Variants in NPHP4 observed in about 807,000 individuals in gnomAD.
The protein encoded by NPHP4 is nephrocystin-4.
In NPHP4, 151 loss-of-function variants were observed where a neutral mutation model predicts 155.8. That is an observed-to-expected ratio of 0.97 (90% CI 0.85 to 1.11). The LOEUF (loss-of-function observed/expected upper bound fraction) is 1.11. NPHP4 is among the 50% of genes least tolerant of loss of function. The pLI, the probability that NPHP4 is intolerant of heterozygous loss-of-function variation, is 0.00. For missense variants in NPHP4, 1,956 were observed against 1,925.7 expected (o/e 1.02, Z -0.29); for synonymous variants, 845 against 816.8 (o/e 1.03, Z -0.59).
At position 5,877,239 on chromosome 1, in the gene NPHP4, G is replaced by C. The variant is rs368536566; in HGVS notation, c.2671C>G (p.Leu891Val). 5.6e-6 allele frequency: 9 copies of C among 1,608,414 alleles called. No homozygotes were observed. Among genetic ancestry groups the C allele is most frequent in the Non-Finnish European group, 7.6e-6 (9 of 1,176,520 alleles). The change falls in exon 20 of 30, where the codon CTA (leucine) becomes GTA (valine). Residue 891 changes from leucine (L) to valine (V), a missense_variant. Transcript: ENST00000378156. ...TTGCCCTGCCGGGCATGGGTCAGTA[G>C]CATGGCAGCCAGCTCACTGTCCACG... ...ADVDSELAAM[L>V]LTHARQGKGP... is the part of the protein sequence containing the mutation.
chr1:5,979,705 T>C (rs1019771973), intron 2 of NPHP4, among the ~76,000 whole-genome samples: 1 of 151,954 alleles, frequency 6.6e-6, no homozygotes, highest in Non-Finnish European at 1.5e-5. Flanking sequence ...GTACTTTTTG[T>C]AGAGAGTGGG....
intron 12 of NPHP4, among the ~76,000 whole-genome samples, chr1:5,908,181 G>A (rs1645006441): frequency 6.6e-6 from 1 of 152,206 alleles, no homozygotes; most frequent in African/African-American, 2.4e-5. Context: ...GAGATCTTTG[G>A]GGCCTACCCA....
Position 5,905,840 on chromosome 1 carries a change from C to T in NPHP4, c.1612-57G>A, listed in dbSNP as rs1644891634. Reference sequence around the variant, plus strand: ...ACCAAGGACCCCAACCCGTAACAACCAACGGTGCTCAGATCTAAGGGGATT... The same window carrying T: ...ACCAAGGACCCCAACCCGTAACAACTAACGGTGCTCAGATCTAAGGGGATT... On this transcript the variant is annotated intron_variant, in intron 13 of 29. Coordinates refer to ENST00000378156, the MANE Select transcript of NPHP4 (RefSeq NM_015102.5). This position sits in a 1 kb window ranked among gnomAD's most constrained non-coding sequence, Gnocchi z 4.0. 1 of 1,517,164 alleles carries T rather than the reference C, an allele frequency of 6.6e-7. No individual in the cohort carries two copies. Among genetic ancestry groups the T allele is most frequent in the Admixed American group, 1.9e-5 (1 of 51,378 alleles). The allele number at this position is 1,517,164 out of a possible 1,614,324, so 94.0% of individuals were successfully genotyped here.
chr1:5,898,420 C>T (rs181382996), intron 16 of NPHP4, among the ~76,000 whole-genome samples: 42 of 152,350 alleles, frequency 2.8e-4, no homozygotes, highest in Non-Finnish European at 4.9e-4. Flanking sequence ...AAACCACTCT[C>T]GGGAGCCCTG....
intron 20 of NPHP4, chr1:5,876,519 G>A (rs1172552089): frequency 6.6e-6 from 1 of 152,290 alleles, no homozygotes; most frequent in East Asian, 1.9e-4. Context: ...GCCCTGCTGA[G>A]TTTACTGTCA....
intron 3 of NPHP4, among the ~76,000 whole-genome samples, chr1:5,972,615 G>C (rs1440899005): frequency 6.6e-6 from 1 of 152,202 alleles, no homozygotes; most frequent in Non-Finnish European, 1.5e-5. Context: ...CTGGGTCCCT[G>C]CTTATGGAAA....
chr1:5,906,842 C>T (rs993179215), intron 13 of NPHP4, among the ~76,000 whole-genome samples: 3 of 152,186 alleles, frequency 2.0e-5, no homozygotes, highest in African/African-American at 7.2e-5. Flanking sequence ...CTAGGGGTAG[C>T]TTAACTTTGT....
At chr1:5,868,378 G>GC (rs1210807375) in intron 23 of NPHP4, 3 of 245,858 alleles carry the variant, frequency 1.2e-5, no homozygotes, top group Non-Finnish European at 2.4e-5. Context: ...AAACCAAAGG[G>GC]GTTAGAAATA....
chr1:5,964,937 A>T (rs181843111), intron 5 of NPHP4, among the ~76,000 whole-genome samples: 6,391 of 54,658 alleles, frequency 0.12, 406 homozygotes, highest in East Asian at 0.16. Flanking sequence ...ATATATATAT[A>T]TATATTTTTT....
chr1:5,879,750 G>A, intron 19 of NPHP4: 1 of 396,304 alleles, frequency 2.5e-6, no homozygotes, highest in Non-Finnish European at 4.9e-6. Context: ...AGATGCAGAT[G>A]GGCATTAACA....
intron 11 of NPHP4, among the ~76,000 whole-genome samples, chr1:5,923,130 G>A (rs11120786): frequency 0.12 from 17,986 of 152,218 alleles, 1,363 homozygotes; most frequent in Non-Finnish European, 0.17. Flanking sequence ...CATGGTGAGT[G>A]AATCACAAGT....
intron 19 of NPHP4, among the ~76,000 whole-genome samples, chr1:5,879,103 T>G (rs1642919529): frequency 6.6e-6 from 1 of 152,206 alleles, no homozygotes; most frequent in African/African-American, 2.4e-5. Flanking sequence ...ACCCAGAGTT[T>G]CAGGGGCCTT....
intron 9 of NPHP4, among the ~76,000 whole-genome samples, chr1:5,940,455 G>C (rs1646763316): frequency 6.6e-6 from 1 of 152,122 alleles, no homozygotes; most frequent in South Asian, 2.1e-4. Flanking sequence ...AACAGACTCA[G>C]ACAGGAGCAA....
chr1:5,926,098 G>A (rs1645991542), intron 11 of NPHP4, among the ~76,000 whole-genome samples: 2 of 152,140 alleles, frequency 1.3e-5, no homozygotes, highest in Non-Finnish European at 2.9e-5. Context: ...CTAGTACAAG[G>A]GGGACTGTAC....
intron 23 of NPHP4, among the ~76,000 whole-genome samples, chr1:5,869,261 C>G (rs200590109): frequency 8.2e-5 from 9 of 109,848 alleles, no homozygotes; most frequent in Non-Finnish European, 1.7e-4. Flanking sequence ...ACATGCACAC[C>G]CACATGCATG....
intron 16 of NPHP4, among the ~76,000 whole-genome samples, chr1:5,904,262 G>A (rs1434962127): frequency 6.6e-6 from 1 of 152,216 alleles, no homozygotes; most frequent in African/African-American, 2.4e-5. Context: ...TTTAACATTG[G>A]CTAGATATTT....
Position 5,967,244 on chromosome 1 carries a change from A to G in NPHP4, c.517+55T>C, listed in dbSNP as rs936848077. 10 of 1,340,458 alleles carry G rather than the reference A, an allele frequency of 7.5e-6. No homozygotes were observed. In the East Asian group the frequency reaches 2.2e-4, roughly 29 times the overall value. The allele number at this position is 1,340,458 out of a possible 1,614,324, so 83.0% of individuals were successfully genotyped here. On this transcript the variant is annotated intron_variant, in intron 5 of 29. Transcript: ENST00000378156. ...CCATTCAGAGCTAAAGGTGGGGAAC[A>G]CTCAGGGAAGGCACGAGAGCAGTGA...
chr1:5,978,852 G>A (rs4908641), intron 2 of NPHP4, among the ~76,000 whole-genome samples: 1 of 152,116 alleles, frequency 6.6e-6, no homozygotes, highest in East Asian at 1.9e-4. Flanking sequence ...CGCCTCTCAC[G>A]TAAATCATTT....
intron 6 of NPHP4, among the ~76,000 whole-genome samples, chr1:5,957,870 T>C (rs1012489752): frequency 2.0e-5 from 3 of 151,194 alleles, no homozygotes; most frequent in African/African-American, 7.4e-5. Context: ...AAACACCTAT[T>C]GCCTTTGGTG....
Sources: gnomAD v4.1 joint callset for allele counts (sites outside exome capture counted in the v4.1 genomes callset) on GRCh38, gnomAD v4.1.1 for gene constraint, Gnocchi (gnomAD v3.1) non-coding constraint, MANE v1.5 for transcripts, NCBI Gene and HGNC (gene_info 2026-07-23, HGNC 2026-07-21) for gene names.